Variants in NSMAF observed in about 807,000 individuals in gnomAD.
The protein encoded by NSMAF is neutral sphingomyelinase activation associated factor.
Under a neutral mutation model 134.9 loss-of-function variants are expected in NSMAF, and 90 were observed. That is an observed-to-expected ratio of 0.67 (90% CI 0.56 to 0.79). The LOEUF (loss-of-function observed/expected upper bound fraction) is 0.79, where lower values mean the gene tolerates loss of function less well. Among genes scored for constraint, NSMAF ranks in the 30% least tolerant of loss-of-function variants. The probability of loss-of-function intolerance (pLI) is 0.00; values close to 1 mark genes in which losing one functional copy is unlikely to be tolerated. For synonymous variants in NSMAF, 358 were observed against 389.6 expected (o/e 0.92, Z 0.96); for missense variants, 1,010 against 1,119.0 (o/e 0.90, Z 1.39).
intron 22 of NSMAF, 34 bp downstream of exon 22, chr8:58,595,526 A>G (rs1472747005): frequency 8.8e-6 from 13 of 1,469,896 alleles, no homozygotes; most frequent in Non-Finnish European, 1.2e-5. Context: ...TACCAGGACT[A>G]TCAGCTGCTG....
chr8:58,596,739 C>T (rs983150506), intron 21 of NSMAF, among the ~76,000 whole-genome samples: 1 of 152,170 alleles, frequency 6.6e-6, no homozygotes, highest in South Asian at 2.1e-4. Flanking sequence ...ACCATCCTGG[C>T]TAACACAGTG....
intron 5 of NSMAF, among the ~76,000 whole-genome samples, chr8:58,633,316 C>T (rs1807099267): frequency 6.6e-6 from 1 of 152,242 alleles, no homozygotes; most frequent in Admixed American, 6.5e-5. Context: ...AGGCTTCTCC[C>T]CCACCACTCT....
intron 9 of NSMAF, among the ~76,000 whole-genome samples, chr8:58,610,344 G>A (rs1806500470): frequency 6.6e-6 from 1 of 152,046 alleles, no homozygotes; most frequent in Non-Finnish European, 1.5e-5. Flanking sequence ...AAAAATAAGG[G>A]AAAACAACCA....
intron 10 of NSMAF, among the ~76,000 whole-genome samples, chr8:58,608,846 G>A (rs1806463437): frequency 6.6e-6 from 1 of 152,138 alleles, no homozygotes; most frequent in Non-Finnish European, 1.5e-5. Context: ...TTTCCAAGGT[G>A]GAACTTTCTC....
chr8:58,658,060 C>T (rs78831721), intron 1 of NSMAF, among the ~76,000 whole-genome samples: 3,251 of 152,246 alleles, frequency 0.021, 38 homozygotes, highest in South Asian at 0.051. Flanking sequence ...ATCAAAAAGG[C>T]CAATATGAGT....
intron 1 of NSMAF, among the ~76,000 whole-genome samples, chr8:58,645,234 C>T (rs936691226): frequency 1.3e-5 from 2 of 151,376 alleles, no homozygotes; most frequent in Non-Finnish European, 2.9e-5. Context: ...ATGGGTTAAC[C>T]ATACTGCACT....
At chr8:58,636,654 T>C (rs1447694933) in intron 2 of NSMAF, among the ~76,000 whole-genome samples, 2 of 152,210 alleles carry the variant, frequency 1.3e-5, no homozygotes, top group East Asian at 1.9e-4. Context: ...GTCACAACCA[T>C]TCAACTTTGC....
In NSMAF at chr8:58,597,456, T is replaced by C; in HGVS notation, c.1723A>G (p.Arg575Gly). ...AAACTTTTAAACTTTGGGGTGATCC[T>C]TCGAGGATGTGGTGTCACAAATAGT... ...KQLFVTPHPR[R>G]ITPKFKSLSQ... Residue 575 changes from arginine (R) to glycine (G), a missense_variant, in exon 21 of 31, where the codon AGG (arginine) becomes GGG (glycine). Coordinates refer to ENST00000038176, the MANE Select transcript of NSMAF (RefSeq NM_003580.4). The C allele has an allele frequency of 6.2e-7, 1 of 1,614,150 alleles. No homozygotes were observed. Among genetic ancestry groups the C allele is most frequent in the Non-Finnish European group, 8.5e-7 (1 of 1,179,972 alleles).
chr8:58,603,105 CAT>C (rs1004099531), intron 13 of NSMAF, 103 bp downstream of exon 13: 13 of 1,118,020 alleles, frequency 1.2e-5, no homozygotes, highest in African/African-American at 9.3e-5. Flanking sequence ...AATTTGTTCA[CAT>C]GTCACATCAC....
chr8:58,618,114 G>A (rs975854565), intron 9 of NSMAF, among the ~76,000 whole-genome samples: 4 of 152,130 alleles, frequency 2.6e-5, no homozygotes, highest in Non-Finnish European at 5.9e-5. Flanking sequence ...TGAACAATGA[G>A]ATCACTTGGA....
At chr8:58,658,139 A>T (rs1807763500) in intron 1 of NSMAF, among the ~76,000 whole-genome samples, 2 of 152,210 alleles carry the variant, frequency 1.3e-5, no homozygotes, top group African/African-American at 4.8e-5. Flanking sequence ...TCACAATTTA[A>T]ATATGAATGT....
intron 5 of NSMAF, 118 bp downstream of exon 5, chr8:58,635,070 TA>T: frequency 1.3e-6 from 1 of 790,342 alleles, no homozygotes; most frequent in Non-Finnish European, 2.1e-6. Context: ...GACTGAATTC[TA>T]AAAGCATTTG....
intron 27 of NSMAF, among the ~76,000 whole-genome samples, chr8:58,587,355 A>C (rs1210569436): frequency 6.6e-6 from 1 of 152,208 alleles, no homozygotes; most frequent in Non-Finnish European, 1.5e-5. Context: ...CCTGCTCAGA[A>C]ACTACTATTT....
intron 6 of NSMAF, among the ~76,000 whole-genome samples, chr8:58,631,047 A>ACTTT (rs1807047136): frequency 6.6e-6 from 1 of 152,240 alleles, no homozygotes; most frequent in African/African-American, 2.4e-5. Flanking sequence ...AGGGAACCAG[A>ACTTT]CATTGTATCC....
At chr8:58,631,278 T>C (rs1362370947) in intron 6 of NSMAF, 1 of 356,494 alleles carries the variant, frequency 2.8e-6, no homozygotes, top group Admixed American at 5.0e-5. Flanking sequence ...TGGGTGTTTT[T>C]TTTTTAGGCA....
chr8:58,586,689 T>C, intron 27 of NSMAF, 81 bp from the exon 28 acceptor site: 1 of 1,131,192 alleles, frequency 8.8e-7, no homozygotes, highest in Non-Finnish European at 1.3e-6. Flanking sequence ...TTCAAATATG[T>C]AGTCATCATG....
rs748264704 is a variant in NSMAF at position 58,602,072 on chromosome 8, G to C, written c.1111C>G (p.Leu371Val). Residue 371 changes from leucine (L) to valine (V), a missense_variant, in exon 14 of 31, where the codon CTG becomes GTG. By Grantham distance (32) the Leu-to-Val change is conservative. Transcript: ENST00000038176. ...AGTCCACATACCAGTAGTCTCTCCA[G>C]CCGTTCCTTATTTAGGGCCCCTACT... is the stretch of plus-strand genomic sequence containing the variant. The part of the protein sequence containing the change: ...KPVGALNKER[L>V]ERLLTRYQEM... The C allele has an allele frequency of 1.1e-4, 174 of 1,613,190 alleles. 1 individual carries two copies. In the South Asian group the frequency reaches 1.8e-3, roughly 17 times the overall value.
chr8:58,657,948 A>G (rs1462926334), intron 1 of NSMAF, among the ~76,000 whole-genome samples: 1 of 152,226 alleles, frequency 6.6e-6, no homozygotes, highest in African/African-American at 2.4e-5. Flanking sequence ...ACAGGTTTCA[A>G]GGTTTGTGTG....
chr8:58,637,009 TAAG>T (rs1253619194), intron 2 of NSMAF, among the ~76,000 whole-genome samples: 1 of 140,366 alleles, frequency 7.1e-6, no homozygotes, highest in African/African-American at 2.8e-5. Context: ...GATAACTGAT[TAAG>T]ATTATACACA....
Sources: allele counts gnomAD v4.1 joint callset (sites outside exome capture counted in the v4.1 genomes callset), GRCh38; gene constraint gnomAD v4.1.1; transcripts MANE v1.5; gene names NCBI Gene and HGNC (gene_info 2026-07-23, HGNC 2026-07-21).